PPP1R16B: variants seen among roughly 807,000 people sequenced by gnomAD.
PPP1R16B encodes protein phosphatase 1 regulatory inhibitor subunit 16B.
A neutral mutation model predicts 61.7 loss-of-function variants in PPP1R16B; 14 were observed. That is an observed-to-expected ratio of 0.23 (90% CI 0.15 to 0.35). The LOEUF (loss-of-function observed/expected upper bound fraction) is 0.35, where lower values mean the gene tolerates loss of function less well. PPP1R16B is among the 10% of genes least tolerant of loss of function. PPP1R16B has a pLI of 1.00. For missense variants in PPP1R16B, 547 were observed against 752.5 expected (o/e 0.73, Z 3.19); for synonymous variants, 266 against 305.3 (o/e 0.87, Z 1.34).
chr20:38,861,630 A>G (rs918279060), intron 2 of PPP1R16B, among the ~76,000 whole-genome samples: 1 of 149,740 alleles, frequency 6.7e-6, no homozygotes, highest in African/African-American at 2.5e-5. Flanking sequence ...TGCTGTTGCC[A>G]CTTGAGGATC....
chr20:38,823,687 T>A (rs1250744179), intron 1 of PPP1R16B, among the ~76,000 whole-genome samples: 1 of 151,562 alleles, frequency 6.6e-6, no homozygotes, highest in East Asian at 1.9e-4. Flanking sequence ...AAATGCTCAC[T>A]GAAAAAAGGA....
chr20:38,811,253 C>A (rs886609772), intron 1 of PPP1R16B, among the ~76,000 whole-genome samples: 15 of 152,136 alleles, frequency 9.9e-5, no homozygotes, highest in African/African-American at 3.6e-4. Flanking sequence ...CACAGACCCT[C>A]CCTGTTTCAG....
intron 2 of PPP1R16B, among the ~76,000 whole-genome samples, chr20:38,882,226 G>T (rs2085208259): frequency 1.3e-5 from 2 of 152,186 alleles, no homozygotes; most frequent in Non-Finnish European, 2.9e-5. Context: ...GGGACATGTT[G>T]AGTCCCCTGT....
In PPP1R16B at chr20:38,907,007, A is replaced by G; in HGVS notation, c.851A>G (p.His284Arg). The G allele has an allele frequency of 6.2e-7, 1 of 1,614,028 alleles. No individual in the cohort carries two copies. The highest frequency in any genetic ancestry group is 8.5e-7 in the Non-Finnish European group (1 of 1,179,878). ...QMQMAELLVS[H>R]GASLSARTSM... ...CAGATGGCAGAGCTATTGGTGTCCC[A>G]TGGAGCTAGTCTCAGTGCAAGGACA... The change falls in exon 8 of 11, where the codon CAT becomes CGT. Residue 284 changes from histidine (H) to arginine (R), a missense_variant. By Grantham distance (29) the His-to-Arg change is conservative (BLOSUM62 0). Coordinates refer to ENST00000299824, the MANE Select transcript of PPP1R16B (RefSeq NM_015568.4). The surrounding 1 kb of genome is among the most constrained non-coding windows in gnomAD (Gnocchi z 4.5).
intron 2 of PPP1R16B, among the ~76,000 whole-genome samples, chr20:38,853,496 A>G (rs529863719): frequency 2.0e-5 from 3 of 152,334 alleles, no homozygotes; most frequent in African/African-American, 7.2e-5. Flanking sequence ...CAGTCTTTCA[A>G]GAGAAGCTCA....
rs2085457449 is a variant in PPP1R16B at position 38,907,916 on chromosome 20, T to G, written c.1009T>G (p.Ser337Ala). The G allele has an allele frequency of 1.5e-5, 24 of 1,614,194 alleles. No individual in the cohort carries two copies. The highest frequency in any genetic ancestry group is 1.6e-5 in the Non-Finnish European group (19 of 1,180,020). ...CAAGTCATCCTTGAGCCGGAGGACCTCCAGCGCAGGCAGCCGTGGGTGAGT... is the reference window on the plus strand; with the variant it reads ...CAAGTCATCCTTGAGCCGGAGGACCGCCAGCGCAGGCAGCCGTGGGTGAGT... ...RHKSSLSRRT[S>A]SAGSRGKVVR... The change falls in exon 9 of 11, where the codon TCC (serine) becomes GCC (alanine). Residue 337 changes from serine (S) to alanine (A), a missense_variant. Transcript: ENST00000299824. The surrounding 1 kb of genome is among the most constrained non-coding windows in gnomAD (Gnocchi z 4.5).
At chr20:38,915,325 A>G (rs2085525521) in intron 10 of PPP1R16B, among the ~76,000 whole-genome samples, 1 of 152,216 alleles carries the variant, frequency 6.6e-6, no homozygotes, top group Admixed American at 6.5e-5. Flanking sequence ...ACAACTGGTG[A>G]AAGAGACCAG....
rs566682535 is a variant in PPP1R16B, at chr20:38,820,888, A to T, written c.-101-14937A>T. Among the ~76,000 whole-genome samples the T allele has an allele frequency of 2.2e-3, 336 of 151,436 alleles. 2 individuals carry two copies. Among genetic ancestry groups the T allele is most frequent in the African/African-American group, 7.0e-3 (290 of 41,328 alleles). The stretch of plus-strand genomic sequence containing the variant: ...TCTACTAAAAATATATATATATATA[A>T]AAATTAGCTAGGCATGGTGGCAGGC... On this transcript the variant is annotated intron_variant, in intron 1 of 10. Coordinates refer to ENST00000299824, the MANE Select transcript of PPP1R16B (RefSeq NM_015568.4).
At chr20:38,880,927 C>T (rs1485502379) in intron 2 of PPP1R16B, among the ~76,000 whole-genome samples, 1 of 152,184 alleles carries the variant, frequency 6.6e-6, no homozygotes, top group South Asian at 2.1e-4. Context: ...ACGTTCCCAC[C>T]AGCAGGGCCC....
rs368209819 is a variant in PPP1R16B at position 38,910,001 on chromosome 20, A to G, written c.1194+1808A>G. Among the ~76,000 whole-genome samples, 21 of 152,102 alleles carry G rather than the reference A, an allele frequency of 1.4e-4. No individual in the cohort carries two copies. In the East Asian group the frequency reaches 1.9e-3, roughly 14 times the overall value. On this transcript the variant is annotated intron_variant, in intron 10 of 10. Coordinates refer to ENST00000299824, the MANE Select transcript of PPP1R16B (RefSeq NM_015568.4). ...TTTTATTTTTTTATTTTTTTATGAT[A>G]TGGAGCCTCGCTCTGTTACCCAGGC...
chr20:38,868,097 C>G (rs2085102282), intron 2 of PPP1R16B, among the ~76,000 whole-genome samples: 1 of 152,224 alleles, frequency 6.6e-6, no homozygotes, highest in Admixed American at 6.5e-5. Flanking sequence ...TGCTCCTCCC[C>G]TGGGCTGTTT....
intron 2 of PPP1R16B, among the ~76,000 whole-genome samples, chr20:38,879,699 A>G (rs894014744): frequency 1.3e-5 from 2 of 152,198 alleles, no homozygotes; most frequent in African/African-American, 4.8e-5. Context: ...CTTTTCCTGC[A>G]TACACCCAAT....
At chr20:38,860,039 T>C (rs2085036861) in intron 2 of PPP1R16B, among the ~76,000 whole-genome samples, 1 of 152,182 alleles carries the variant, frequency 6.6e-6, no homozygotes, top group African/African-American at 2.4e-5. Context: ...AATGATGCAA[T>C]CTAGGCTCAC....
At chr20:38,901,196 C>G (rs1386718324) in intron 5 of PPP1R16B, among the ~76,000 whole-genome samples, 1 of 152,194 alleles carries the variant, frequency 6.6e-6, no homozygotes, top group Non-Finnish European at 1.5e-5. Context: ...AGATAGACCT[C>G]TGAAGCGCCA....
rs4812333 is a variant in PPP1R16B, at chr20:38,907,476, T to A, written c.899-330T>A. ...ATGGGAGTATGTAGCTTTATTAGCA[T>A]CTTTGCATAATTTATTGCTTGGGCT... On this transcript the variant is annotated intron_variant, in intron 8 of 10. Coordinates refer to ENST00000299824, the MANE Select transcript of PPP1R16B (RefSeq NM_015568.4). The surrounding 1 kb of genome is among the most constrained non-coding windows in gnomAD (Gnocchi z 4.5). 0.33 allele frequency among the ~76,000 whole-genome samples: 49,595 copies of A among 151,980 alleles called. 8,243 individuals are homozygous for A. The highest frequency in any genetic ancestry group is 0.52 in the Middle Eastern group (153 of 294).
intron 1 of PPP1R16B, among the ~76,000 whole-genome samples, chr20:38,812,922 A>C (rs1395052588): frequency 6.6e-6 from 1 of 152,240 alleles, no homozygotes; most frequent in Non-Finnish European, 1.5e-5. Flanking sequence ...TAAAATGCAG[A>C]AACTGACTCA....
At chr20:38,909,290 G>T (rs1326017901) in intron 10 of PPP1R16B, among the ~76,000 whole-genome samples, 1 of 152,206 alleles carries the variant, frequency 6.6e-6, no homozygotes, top group East Asian at 1.9e-4. Context: ...TCGAGCCACT[G>T]TACCTAGCCT....
At chr20:38,827,534 C>A (rs1279502512) in intron 1 of PPP1R16B, among the ~76,000 whole-genome samples, 1 of 152,154 alleles carries the variant, frequency 6.6e-6, no homozygotes, top group Non-Finnish European at 1.5e-5. Context: ...AATGAAGGAG[C>A]ACAGCTGGGA....
intron 10 of PPP1R16B, among the ~76,000 whole-genome samples, chr20:38,911,578 C>G (rs371374538): frequency 6.6e-6 from 1 of 151,364 alleles, no homozygotes; most frequent in African/African-American, 2.4e-5. Flanking sequence ...GCTTTGTCAC[C>G]CAAGCTAGAG....
Sources: allele counts gnomAD v4.1 joint callset (sites outside exome capture counted in the v4.1 genomes callset), GRCh38; gene constraint gnomAD v4.1.1; non-coding constraint Gnocchi (gnomAD v3.1); transcripts MANE v1.5; gene names NCBI Gene and HGNC (gene_info 2026-07-23, HGNC 2026-07-21).